The following FBXW11 variants were observed in gnomAD, a reference collection of about 807,000 sequenced individuals.
FBXW11 encodes the protein F-box and WD repeat domain containing 11, also known as F-box/WD repeat-containing protein 11.
In FBXW11, 19 loss-of-function variants were observed where a neutral mutation model predicts 77.6. The ratio of observed to expected loss-of-function variants is 0.24; its 90% CI spans 0.17 to 0.36. The LOEUF is 0.36. Ranked by LOEUF, FBXW11 falls within the 10% of genes least tolerant of loss-of-function variation. FBXW11 has a pLI of 1.00. For missense variants in FBXW11, 334 were observed against 704.2 expected (o/e 0.47, Z 5.95); for synonymous variants, 235 against 249.4 (o/e 0.94, Z 0.54).
chr5:171,970,562 C>G (rs191037436), intron 1 of FBXW11, among the ~76,000 whole-genome samples: 83 of 152,278 alleles, frequency 5.5e-4, no homozygotes, highest in African/African-American at 1.1e-3. Flanking sequence ...CTACTCATTT[C>G]TTGAATACAT....
At chr5:171,937,699 A>T (rs1762546727) in intron 2 of FBXW11, among the ~76,000 whole-genome samples, 1 of 151,956 alleles carries the variant, frequency 6.6e-6, no homozygotes, top group African/African-American at 2.4e-5. Context: ...ATGGTGGCAC[A>T]CGCCTGTAGT....
At chr5:171,895,077 G>A (rs1013680007) in intron 6 of FBXW11, among the ~76,000 whole-genome samples, 2 of 152,114 alleles carry the variant, frequency 1.3e-5, no homozygotes, top group African/African-American at 2.4e-5. Flanking sequence ...GCCTTCAAAT[G>A]GAATCCAACT....
intron 1 of FBXW11, among the ~76,000 whole-genome samples, chr5:171,962,875 CA>C (rs1162726388): frequency 6.6e-6 from 1 of 152,094 alleles, no homozygotes; most frequent in African/African-American, 2.4e-5. Flanking sequence ...AAAATTTCCC[CA>C]AAGAGGTATT....
chr5:171,961,882 G>C (rs1763931330), intron 1 of FBXW11, among the ~76,000 whole-genome samples: 1 of 152,138 alleles, frequency 6.6e-6, no homozygotes, highest in Non-Finnish European at 1.5e-5. Context: ...CCTGACCTCA[G>C]GTGATCTGCC....
intron 2 of FBXW11, among the ~76,000 whole-genome samples, chr5:171,935,625 A>C (rs1473624820): frequency 6.6e-6 from 1 of 152,134 alleles, no homozygotes; most frequent in East Asian, 1.9e-4. Context: ...GAAACCTTTA[A>C]AGAGAAAGAG....
intron 2 of FBXW11, among the ~76,000 whole-genome samples, chr5:171,927,644 T>C (rs910046952): frequency 6.6e-6 from 1 of 152,252 alleles, no homozygotes; most frequent in Non-Finnish European, 1.5e-5. Context: ...TTAACTGTTT[T>C]TTCCATGTGT....
At chr5:172,006,262 G>A (rs963899564) in intron 1 of FBXW11, among the ~76,000 whole-genome samples, 196 bp downstream of exon 1, 1 of 152,186 alleles carries the variant, frequency 6.6e-6, no homozygotes, top group African/African-American at 2.4e-5. Context: ...GAGGGGGCCG[G>A]GCCAGGACCG....
At chr5:171,981,993 G>C (rs911143689) in intron 1 of FBXW11, among the ~76,000 whole-genome samples, 5 of 152,124 alleles carry the variant, frequency 3.3e-5, no homozygotes, top group African/African-American at 1.2e-4. Context: ...TATAGTTATA[G>C]AAGGCAGGTT....
chr5:171,911,263 A>C (rs1760865402), intron 3 of FBXW11, among the ~76,000 whole-genome samples: 1 of 152,250 alleles, frequency 6.6e-6, no homozygotes, highest in Non-Finnish European at 1.5e-5. Flanking sequence ...AATGGTTCTC[A>C]AACTTGAGCT....
chr5:171,959,793 T>C (rs1763801047), intron 1 of FBXW11, among the ~76,000 whole-genome samples: 1 of 146,872 alleles, frequency 6.8e-6, no homozygotes, highest in Non-Finnish European at 1.5e-5. Flanking sequence ...GAGGTTGCAG[T>C]AAGCCAAGAC....
chr5:171,869,834 G>A lies in FBXW11; in HGVS notation c.1452-27C>T. 6.6e-7 allele frequency: 1 copy of A among 1,512,498 alleles called. No individual in the cohort carries two copies. Among genetic ancestry groups the A allele is most frequent in the Admixed American group, 1.8e-5 (1 of 55,402 alleles). The allele number at this position is 1,512,498 out of a possible 1,614,324, so 93.7% of individuals were successfully genotyped here. A position where few individuals can be genotyped will look rare whatever the true frequency, so the allele number is the denominator to read the frequency against. On this transcript the variant is annotated intron_variant, in intron 11 of 13. Transcript: ENST00000517395. The surrounding 1 kb of genome is among the most constrained non-coding windows in gnomAD (Gnocchi z 4.1). ...TAGAAAGGAAAATGAGATGTGATTA[G>A]TGGAAAAGTGAACAATTTATATGCT...
At position 172,006,569 on chromosome 5, in the gene FBXW11, C is replaced by CGGCGGA; in HGVS notation, c.-73_-68dup. The CGGCGGA allele has an allele frequency of 7.0e-7, 1 of 1,432,500 alleles. No homozygotes were observed. The highest frequency in any genetic ancestry group is 9.2e-7 in the Non-Finnish European group (1 of 1,089,948). 88.7% of individuals were successfully genotyped at this position (1,432,500 alleles called of 1,614,324 possible). On this transcript the variant is annotated 5_prime_UTR_variant, in exon 1 of 14. Transcript: ENST00000517395. ...CGAACGGCCCGGGCGGAGGAGGCGA[C>CGGCGGA]GGCGGAGGCGGCAGAGGCGGAGGCG...
rs397999920 is a variant in FBXW11, at chr5:171,893,421, C to CAAAAAAAAAAAAAAAAAAAAAAAAAAAA, written c.715-1818_715-1817insTTTTTTTTTTTTTTTTTTTTTTTTTTTT. Among the ~76,000 whole-genome samples, 17 of 39,842 alleles carry CAAAAAAAAAAAAAAAAAAAAAAAAAAAA rather than the reference C, an allele frequency of 4.3e-4. 4 individuals are homozygous for CAAAAAAAAAAAAAAAAAAAAAAAAAAAA. Among genetic ancestry groups the CAAAAAAAAAAAAAAAAAAAAAAAAAAAA allele is most frequent in the Admixed American group, 1.1e-3 (2 of 1,844 alleles). 26.1% of individuals were successfully genotyped at this position (39,842 alleles called of 152,430 possible). A position where few individuals can be genotyped will look rare whatever the true frequency, so the allele number is the denominator to read the frequency against. On this transcript the variant is annotated intron_variant, in intron 6 of 13. Coordinates refer to ENST00000517395, the MANE Select transcript of FBXW11 (RefSeq NM_001378974.1). The stretch of plus-strand genomic sequence containing the variant: ...GACATACAAAAGCACACTTCAAAAC[C>CAAAAAAAAAAAAAAAAAAAAAAAAAAAA]AAAAAAAAAAAAAAAAAAAAAAAAA...
chr5:171,879,759 A>G (rs1035406620), intron 7 of FBXW11, among the ~76,000 whole-genome samples: 1 of 152,176 alleles, frequency 6.6e-6, no homozygotes, highest in African/African-American at 2.4e-5. Flanking sequence ...CTTTGGTGAG[A>G]TGTCTGTTAA....
intron 2 of FBXW11, among the ~76,000 whole-genome samples, chr5:171,929,363 T>C (rs1366666487): frequency 1.3e-5 from 2 of 151,220 alleles, no homozygotes; most frequent in Admixed American, 6.6e-5. Flanking sequence ...GAGTGAGACC[T>C]GTCTCAAAAA....
intron 2 of FBXW11, among the ~76,000 whole-genome samples, chr5:171,931,851 C>G: frequency 8.8e-5 from 1 of 11,364 alleles, no homozygotes; most frequent in East Asian, 0.011. Context: ...CTCCCTCCCT[C>G]CCTCCCTCCC....
chr5:171,930,758 A>C (rs571673869), intron 2 of FBXW11, among the ~76,000 whole-genome samples: 37 of 66,428 alleles, frequency 5.6e-4, no homozygotes, highest in African/African-American at 1.8e-3. Flanking sequence ...AAAAAATAAA[A>C]AAATAAAAAA....
At chr5:171,952,447 A>ATATT (rs1200841290) in intron 2 of FBXW11, among the ~76,000 whole-genome samples, 2 of 6,942 alleles carry the variant, frequency 2.9e-4, no homozygotes, top group Admixed American at 2.8e-3. Flanking sequence ...ATATATATAT[A>ATATT]TTTTTTTTTT....
intron 6 of FBXW11, among the ~76,000 whole-genome samples, chr5:171,893,447 A>AAAAAAAAAAAAAAC (rs1759524722): frequency 6.8e-6 from 1 of 147,306 alleles, no homozygotes; most frequent in Non-Finnish European, 1.5e-5. Flanking sequence ...AAAAAAAAAA[A>AAAAAAAAAAAAAAC]CTAACCCAAC....
Sources: allele counts gnomAD v4.1 joint callset (sites outside exome capture counted in the v4.1 genomes callset), GRCh38; gene constraint gnomAD v4.1.1; non-coding constraint Gnocchi (gnomAD v3.1); transcripts MANE v1.5; gene names NCBI Gene and HGNC (gene_info 2026-07-23, HGNC 2026-07-21).